The following DPP6 variants were observed in gnomAD, a reference collection of about 807,000 sequenced individuals.
DPP6 encodes A-type potassium channel modulatory protein DPP6.
In DPP6, 69 loss-of-function variants were observed where a neutral mutation model predicts 122.6. The observed-to-expected ratio is 0.56, with a 90% CI of 0.46 to 0.69. The LOEUF (loss-of-function observed/expected upper bound fraction) is 0.69. Among genes scored for constraint, DPP6 ranks in the 30% least tolerant of loss-of-function variants. The pLI is 0.00. For synonymous variants in DPP6, 418 were observed against 433.1 expected (o/e 0.97, Z 0.43); for missense variants, 928 against 1,116.9 (o/e 0.83, Z 2.41).
chr7:154,060,651 C>A (rs1284539779), intron 1 of DPP6, among the ~76,000 whole-genome samples: 5 of 149,038 alleles, frequency 3.4e-5, no homozygotes, highest in Non-Finnish European at 7.5e-5. Flanking sequence ...GGAGGCACCC[C>A]CCACGAGAGT....
intron 8 of DPP6, among the ~76,000 whole-genome samples, chr7:154,748,175 G>A (rs1050179406): frequency 6.6e-6 from 1 of 152,188 alleles, no homozygotes; most frequent in Non-Finnish European, 1.5e-5. Flanking sequence ...CACAGAAAAG[G>A]GTGATGGGCA....
In DPP6 at chr7:154,060,453, C is replaced by G. The variant is rs371101777; in HGVS notation, c.243+7390C>G. Among the ~76,000 whole-genome samples, 2 of 141,722 alleles carry G rather than the reference C, an allele frequency of 1.4e-5. 1 individual carries two copies. Among genetic ancestry groups the G allele is most frequent in the Non-Finnish European group, 3.1e-5 (2 of 65,468 alleles). 93.0% of individuals were successfully genotyped at this position (141,722 alleles called of 152,430 possible). A position where few individuals can be genotyped will look rare whatever the true frequency, so the allele number is the denominator to read the frequency against. ...CGAGGCGGGGACTGCGAGCCAGACC[C>G]TCTTCCCCCTCTGGCTTAGGACCTC... On this transcript the variant is annotated intron_variant, in intron 1 of 25. Coordinates refer to ENST00000377770, the MANE Select transcript of DPP6 (RefSeq NM_130797.4).
intron 3 of DPP6, among the ~76,000 whole-genome samples, chr7:154,518,202 T>C (rs1049833190): frequency 6.6e-6 from 1 of 152,264 alleles, no homozygotes; most frequent in Non-Finnish European, 1.5e-5. Context: ...AGTTAAATTA[T>C]GATTCAGATC....
intron 1 of DPP6, among the ~76,000 whole-genome samples, chr7:153,957,580 C>T (rs1802519614): frequency 6.6e-6 from 1 of 152,170 alleles, no homozygotes; most frequent in Admixed American, 6.5e-5. Context: ...AGAAGGAGGC[C>T]TGGGCAAGAG....
chr7:153,893,026 C>T (rs538738373), intron 1 of DPP6, among the ~76,000 whole-genome samples: 51 of 152,276 alleles, frequency 3.3e-4, no homozygotes, highest in African/African-American at 1.2e-3. Context: ...AATGGGGATA[C>T]TTTAAACATG....
At chr7:153,753,317 C>A in the DPP6 span, among the ~76,000 whole-genome samples, 1 of 152,048 alleles carries the variant, frequency 6.6e-6, no homozygotes, top group Admixed American at 6.6e-5. Context: ...ACATTTTATT[C>A]TTTCTTGGGA....
At chr7:154,794,886 G>A (rs1797944863) in intron 11 of DPP6, among the ~76,000 whole-genome samples, 1 of 42,520 alleles carries the variant, frequency 2.4e-5, no homozygotes, top group Non-Finnish European at 5.6e-5. Context: ...ATTCAGGCAG[G>A]CCTTTCAGAA....
intron 2 of DPP6, among the ~76,000 whole-genome samples, chr7:154,461,455 G>A (rs1243914868): frequency 6.6e-6 from 1 of 152,102 alleles, no homozygotes; most frequent in African/African-American, 2.4e-5. Flanking sequence ...TCTTCTCCAT[G>A]GTGGTTGTAC....
intron 1 of DPP6, among the ~76,000 whole-genome samples, chr7:154,108,972 T>G (rs1324837234): frequency 1.3e-5 from 2 of 152,212 alleles, no homozygotes; most frequent in Non-Finnish European, 2.9e-5. Flanking sequence ...AGCTTCTGTT[T>G]TAGGTTCAGT....
intron 1 of DPP6, among the ~76,000 whole-genome samples, chr7:154,254,230 C>T (rs540356299): frequency 2.6e-4 from 40 of 152,238 alleles, no homozygotes; most frequent in African/African-American, 9.6e-4. Flanking sequence ...TTTGCCCAAT[C>T]TATCCATGTA....
intron 1 of DPP6, among the ~76,000 whole-genome samples, chr7:153,982,540 C>G (rs576715945): frequency 2.0e-5 from 3 of 152,014 alleles, no homozygotes; most frequent in African/African-American, 4.8e-5. Flanking sequence ...CTGAAGCCTA[C>G]TGTCAATTTG....
intron 8 of DPP6, among the ~76,000 whole-genome samples, chr7:154,762,607 T>C (rs1335223121): frequency 6.6e-6 from 1 of 152,198 alleles, no homozygotes; most frequent in Non-Finnish European, 1.5e-5. Context: ...TGCACAACAC[T>C]GGCCTTGGGA....
At chr7:153,914,580 A>G (rs79912899) in intron 1 of DPP6, among the ~76,000 whole-genome samples, 4,135 of 152,316 alleles carry the variant, frequency 0.027, 89 homozygotes, top group African/African-American at 0.069. Flanking sequence ...AAATTTTAGC[A>G]TATTTAGAGT....
At chr7:154,369,792 C>T (rs78979518) in intron 1 of DPP6, among the ~76,000 whole-genome samples, 6,315 of 152,246 alleles carry the variant, frequency 0.041, 418 homozygotes, top group African/African-American at 0.14. Flanking sequence ...CACATGTCCC[C>T]TGCCTTTCAA....
chr7:153,779,080 A>G, the DPP6 span, among the ~76,000 whole-genome samples: 9 of 147,666 alleles, frequency 6.1e-5, no homozygotes, highest in East Asian at 1.5e-3. Context: ...GCCACAATCA[A>G]AAAGCTATGA....
intron 1 of DPP6, among the ~76,000 whole-genome samples, chr7:154,046,088 A>T (rs1333530553): frequency 6.6e-6 from 1 of 152,204 alleles, no homozygotes; most frequent in East Asian, 1.9e-4. Flanking sequence ...GCTGGTCTAC[A>T]CTGGGCTCGG....
chr7:154,487,433 T>G (rs1189259416), intron 3 of DPP6, among the ~76,000 whole-genome samples: 1 of 152,190 alleles, frequency 6.6e-6, no homozygotes, highest in Non-Finnish European at 1.5e-5. Context: ...CAGCCTGGTC[T>G]TTCTTCAAGG....
intron 8 of DPP6, among the ~76,000 whole-genome samples, chr7:154,765,584 T>C (rs1795842984): frequency 1.3e-5 from 2 of 152,200 alleles, no homozygotes; most frequent in South Asian, 4.1e-4. Flanking sequence ...TGGCACTGGC[T>C]TCTTCAAGGT....
intron 1 of DPP6, among the ~76,000 whole-genome samples, chr7:154,301,071 A>C (rs1585868483): frequency 6.6e-6 from 1 of 152,180 alleles, no homozygotes; most frequent in East Asian, 1.9e-4. Context: ...ACTTGCTCTG[A>C]GTGACCTTGG....
Sources: gnomAD v4.1 joint callset for allele counts (sites outside exome capture counted in the v4.1 genomes callset) on GRCh38, gnomAD v4.1.1 for gene constraint, MANE v1.5 for transcripts, NCBI Gene and HGNC (gene_info 2026-07-23, HGNC 2026-07-21) for gene names.